The following CAST variants were observed in gnomAD, a reference collection of about 807,000 sequenced individuals.
CAST encodes the protein MIR583 host.
A neutral mutation model predicts 119.6 loss-of-function variants in CAST; 76 were observed. That is an observed-to-expected ratio of 0.64 (90% CI 0.53 to 0.77). The LOEUF is 0.77. CAST is among the 30% of genes least tolerant of loss of function. The pLI is 0.00. For missense variants in CAST, 953 were observed against 946.5 expected (o/e 1.01, Z -0.09); for synonymous variants, 319 against 331.6 (o/e 0.96, Z 0.41).
At chr5:96,544,960 T>C (rs953755908) in intron 1 of CAST, among the ~76,000 whole-genome samples, 1 of 152,186 alleles carries the variant, frequency 6.6e-6, no homozygotes, top group Non-Finnish European at 1.5e-5. Flanking sequence ...GGAATTGCTA[T>C]ATTAATTTAA....
At chr5:96,274,188 G>A in the CAST span, among the ~76,000 whole-genome samples, 1 of 151,330 alleles carries the variant, frequency 6.6e-6, no homozygotes, top group Admixed American at 6.6e-5. Context: ...TGCAAGCTCC[G>A]CCTCCCGGGT....
At chr5:96,395,119 C>G in the CAST span, 1 of 1,024,166 alleles carries the variant, frequency 9.8e-7, no homozygotes, top group Non-Finnish European at 1.5e-6. Flanking sequence ...TTGTTAAAAT[C>G]TCATTTTAAG....
chr5:96,129,889 T>A, the CAST span, among the ~76,000 whole-genome samples: 12 of 152,078 alleles, frequency 7.9e-5, no homozygotes, highest in Non-Finnish European at 1.8e-4. Context: ...TACCTTTGTT[T>A]TTTTACCCAG....
the CAST span, among the ~76,000 whole-genome samples, chr5:96,048,398 T>C: frequency 6.6e-6 from 1 of 152,124 alleles, no homozygotes; most frequent in Non-Finnish European, 1.5e-5. Flanking sequence ...AAGAGATAAT[T>C]TCAGATGCAA....
chr5:96,153,195 T>C, the CAST span, among the ~76,000 whole-genome samples: 1 of 152,206 alleles, frequency 6.6e-6, no homozygotes, highest in African/African-American at 2.4e-5. Flanking sequence ...AGCATTTGTG[T>C]CAGGCAAATC....
chr5:96,043,423 G>A, the CAST span, among the ~76,000 whole-genome samples: 2 of 152,142 alleles, frequency 1.3e-5, no homozygotes, highest in African/African-American at 4.8e-5. Context: ...AATGCAAGTG[G>A]TTTCGTTATT....
the CAST span, among the ~76,000 whole-genome samples, chr5:96,264,155 CT>C: frequency 6.6e-6 from 1 of 152,238 alleles, no homozygotes; most frequent in South Asian, 2.1e-4. Flanking sequence ...GCAATATCCT[CT>C]GTCAATGTCT....
At chr5:96,570,566 A>C (rs1024100151) in intron 1 of CAST, among the ~76,000 whole-genome samples, 3 of 152,112 alleles carry the variant, frequency 2.0e-5, no homozygotes, top group African/African-American at 7.2e-5. Context: ...GAGAAAAGAG[A>C]CATTTGAGCG....
At position 96,560,296 on chromosome 5, in the gene CAST, A is replaced by G. The variant is rs1407788555; in HGVS notation, c.60+30416A>G. On this transcript the variant is annotated intron_variant, in intron 1 of 11. Transcript: ENST00000505143. ...AATACCGTTCAGGACATAGGCATGG[A>G]CAAGGACTTCATGTCTAAAACACCA... Among the ~76,000 whole-genome samples, 8 of 152,090 alleles carry G rather than the reference A, an allele frequency of 5.3e-5. No individual in the cohort carries two copies. The South Asian group carries it at 6.2e-4, about 12-fold the overall frequency.
the CAST span, among the ~76,000 whole-genome samples, chr5:96,301,032 T>C: frequency 6.6e-6 from 1 of 152,142 alleles, no homozygotes; most frequent in Non-Finnish European, 1.5e-5. Flanking sequence ...TACCTGAGAC[T>C]GGGTAATTTA....
the CAST span, among the ~76,000 whole-genome samples, chr5:96,224,637 T>C: frequency 2.6e-5 from 4 of 152,184 alleles, no homozygotes; most frequent in East Asian, 1.9e-4. Context: ...CCTGTCAACA[T>C]TGTGCTTTTA....
rs2150426812 is a variant in CAST, at chr5:96,727,465, T to A, written c.337-24T>A. The stretch of plus-strand genomic sequence containing the variant: ...ATCTTTCTTTTCTTCCTTCCTTTTT[T>A]TCTTTCTTTTTTTCTGAACTTAGGC... On this transcript the variant is annotated intron_variant, in intron 5 of 31. Transcript: ENST00000675179. The A allele has an allele frequency of 5.0e-6, 7 of 1,393,932 alleles. No individual in the cohort carries two copies. In the South Asian group the frequency reaches 8.0e-5, roughly 16 times the overall value. 86.3% of individuals were successfully genotyped at this position (1,393,932 alleles called of 1,614,324 possible). A position where few individuals can be genotyped will look rare whatever the true frequency, so the allele number is the denominator to read the frequency against.
the CAST span, among the ~76,000 whole-genome samples, chr5:96,350,464 G>A: frequency 6.6e-6 from 1 of 152,236 alleles, no homozygotes; most frequent in Admixed American, 6.5e-5. Flanking sequence ...GTGAAGATAA[G>A]CTGTCAATTT....
At chr5:96,170,102 C>T in the CAST span, among the ~76,000 whole-genome samples, 14 of 152,276 alleles carry the variant, frequency 9.2e-5, no homozygotes, top group African/African-American at 1.9e-4. Context: ...CAAAGCTTGG[C>T]GTCCGTGATG....
intron 16 of CAST, chr5:96,743,483 A>G: frequency 1.7e-6 from 2 of 1,194,000 alleles, no homozygotes; most frequent in South Asian, 1.6e-5. Flanking sequence ...CCCCACCTCC[A>G]TCAGCTCAGG....
At chr5:96,147,338 C>T in the CAST span, among the ~76,000 whole-genome samples, 1 of 152,316 alleles carries the variant, frequency 6.6e-6, no homozygotes, top group East Asian at 1.9e-4. Context: ...GGCGCGGTGG[C>T]TCACGCCTGT....
chr5:96,757,687 G>GC (rs1766623705), intron 24 of CAST, 33 bp downstream of exon 24: 6 of 1,096,806 alleles, frequency 5.5e-6, no homozygotes, highest in Non-Finnish European at 7.9e-6. Flanking sequence ...TATTTCTTTA[G>GC]TTTTTTTTTT....
At chr5:96,553,224 G>A (rs898814630) in intron 1 of CAST, among the ~76,000 whole-genome samples, 1 of 152,094 alleles carries the variant, frequency 6.6e-6, no homozygotes, top group Non-Finnish European at 1.5e-5. Context: ...TAATCAAGTG[G>A]GCTTCATCCC....
chr5:96,462,856 G>A, the CAST span, among the ~76,000 whole-genome samples: 5 of 151,984 alleles, frequency 3.3e-5, no homozygotes, highest in African/African-American at 9.7e-5. Context: ...ATAAGTGTTC[G>A]GCGGTTCCTC....
Sources: gnomAD v4.1 joint callset for allele counts (sites outside exome capture counted in the v4.1 genomes callset) on GRCh38, gnomAD v4.1.1 for gene constraint, MANE v1.5 for transcripts, NCBI Gene and HGNC (gene_info 2026-07-23, HGNC 2026-07-21) for gene names.